The following INPP4B variants were observed in gnomAD, a reference collection of about 807,000 sequenced individuals.
INPP4B encodes inositol polyphosphate 4-phosphatase type II.
INPP4B carries 55 observed loss-of-function variants against 122.5 expected under a neutral mutation model. That is an observed-to-expected ratio of 0.45 (90% CI 0.36 to 0.56). INPP4B has a LOEUF of 0.56. Ranked by LOEUF, INPP4B falls within the 20% of genes least tolerant of loss-of-function variation. The pLI is 0.00. For synonymous variants in INPP4B, 403 were observed against 388.7 expected (o/e 1.04, Z -0.43); for missense variants, 1,000 against 1,097.7 (o/e 0.91, Z 1.26).
At chr4:142,131,351 G>A (rs968029339) in intron 18 of INPP4B, among the ~76,000 whole-genome samples, 1 of 152,192 alleles carries the variant, frequency 6.6e-6, no homozygotes, top group Non-Finnish European at 1.5e-5. Flanking sequence ...CAGAGTACAG[G>A]CAATCAGAGA....
intron 7 of INPP4B, among the ~76,000 whole-genome samples, chr4:142,399,120 C>T (rs1800730723): frequency 6.7e-6 from 1 of 149,768 alleles, no homozygotes; most frequent in South Asian, 2.1e-4. Context: ...CACCATGTTG[C>T]ATGGGATGAA....
intron 9 of INPP4B, among the ~76,000 whole-genome samples, chr4:142,297,285 G>C (rs3102436): frequency 0.76 from 116,075 of 152,158 alleles, 45,572 homozygotes; most frequent in East Asian, 0.93. Flanking sequence ...AGGTAAGCAC[G>C]CCTTCCTTGG....
intron 2 of INPP4B, among the ~76,000 whole-genome samples, chr4:142,710,468 T>C (rs1762973289): frequency 6.6e-6 from 1 of 152,144 alleles, no homozygotes; most frequent in South Asian, 2.1e-4. Flanking sequence ...AAATCATGAG[T>C]CAAAACCCTA....
intron 18 of INPP4B, among the ~76,000 whole-genome samples, chr4:142,140,507 G>C (rs1453333020): frequency 1.3e-5 from 2 of 152,128 alleles, no homozygotes; most frequent in Non-Finnish European, 2.9e-5. Context: ...ATGTAGCTCT[G>C]TTTTCTAATC....
chr4:142,046,013 G>A (rs1376022383), intron 25 of INPP4B, among the ~76,000 whole-genome samples: 2 of 151,790 alleles, frequency 1.3e-5, no homozygotes, highest in African/African-American at 4.8e-5. Context: ...TTTTGAGGGG[G>A]TGAGCAAAAG....
intron 7 of INPP4B, among the ~76,000 whole-genome samples, chr4:142,322,437 C>A (rs1341733202): frequency 6.6e-6 from 1 of 152,074 alleles, no homozygotes; most frequent in Non-Finnish European, 1.5e-5. Flanking sequence ...CCACAGGCTC[C>A]AGGTAGGTAA....
chr4:142,820,414 A>G lies in INPP4B; in HGVS notation c.-254+25795T>C, dbSNP rs535227267. Among the ~76,000 whole-genome samples, 6 of 152,144 alleles carry G rather than the reference A, an allele frequency of 3.9e-5. No homozygotes were observed. The East Asian group carries it at 7.8e-4, about 20-fold the overall frequency. ...CCCTCTTACCATGTGATCTCTGCACATGCTGATTCCCCTTCCTCTTCTGCC... is the reference window on the plus strand; with the variant it reads ...CCCTCTTACCATGTGATCTCTGCACGTGCTGATTCCCCTTCCTCTTCTGCC... On this transcript the variant is annotated intron_variant, in intron 1 of 25. Coordinates refer to ENST00000262992, the MANE Select transcript of INPP4B (RefSeq NM_001101669.3).
chr4:142,741,427 T>A (rs1305708575), intron 1 of INPP4B, among the ~76,000 whole-genome samples: 2 of 151,940 alleles, frequency 1.3e-5, no homozygotes, highest in African/African-American at 4.8e-5. Flanking sequence ...GAGTCATTCA[T>A]GAGATATCTG....
intron 1 of INPP4B, among the ~76,000 whole-genome samples, chr4:142,815,622 G>A (rs1210421175): frequency 1.3e-5 from 2 of 151,976 alleles, no homozygotes; most frequent in African/African-American, 4.8e-5. Flanking sequence ...ATGTCTTTCT[G>A]CAGGGATCTA....
intron 10 of INPP4B, among the ~76,000 whole-genome samples, chr4:142,261,678 C>T (rs555600558): frequency 6.6e-6 from 1 of 152,246 alleles, no homozygotes; most frequent in African/African-American, 2.4e-5. Context: ...CTTCCCCAGG[C>T]ACTGGCCCTC....
chr4:142,031,250 C>A (rs1439762718), intron 25 of INPP4B, among the ~76,000 whole-genome samples: 2 of 152,020 alleles, frequency 1.3e-5, no homozygotes, highest in African/African-American at 4.8e-5. Context: ...TCTCTATTAG[C>A]TCTTCTATGT....
intron 3 of INPP4B, among the ~76,000 whole-genome samples, chr4:142,443,677 G>A (rs1462065570): frequency 6.6e-6 from 1 of 152,070 alleles, no homozygotes; most frequent in Non-Finnish European, 1.5e-5. Context: ...CCCACCAGAG[G>A]GGGCATGCAA....
At chr4:142,059,143 C>T (rs1759284442) in intron 25 of INPP4B, among the ~76,000 whole-genome samples, 2 of 152,092 alleles carry the variant, frequency 1.3e-5, no homozygotes, top group African/African-American at 4.8e-5. Context: ...TATTTATTGT[C>T]AATACAACCC....
intron 7 of INPP4B, among the ~76,000 whole-genome samples, chr4:142,351,723 A>G (rs1225601428): frequency 6.6e-6 from 1 of 152,004 alleles, no homozygotes; most frequent in African/African-American, 2.4e-5. Flanking sequence ...TGGCTATTAA[A>G]GTCAGATCTT....
intron 25 of INPP4B, among the ~76,000 whole-genome samples, chr4:142,077,500 C>T (rs1293467651): frequency 6.6e-6 from 1 of 151,692 alleles, no homozygotes; most frequent in African/African-American, 2.4e-5. Context: ...AAAATCCAGT[C>T]AAATTTATTA....
intron 1 of INPP4B, chr4:142,795,346 G>A (rs895339256): frequency 6.6e-6 from 1 of 151,982 alleles, no homozygotes; most frequent in Non-Finnish European, 1.5e-5. Context: ...CCAACCGGAT[G>A]GGCACTGGAG....
intron 7 of INPP4B, among the ~76,000 whole-genome samples, chr4:142,386,156 A>G (rs1795897663): frequency 6.6e-6 from 1 of 152,034 alleles, no homozygotes; most frequent in Admixed American, 6.6e-5. Context: ...TGCCTGCCTT[A>G]TTTAACATAA....
At chr4:142,440,969 G>A (rs567139916) in intron 3 of INPP4B, among the ~76,000 whole-genome samples, 1 of 152,258 alleles carries the variant, frequency 6.6e-6, no homozygotes, top group Admixed American at 6.5e-5. Context: ...TTGTGTGTAT[G>A]GTGGTGGTTA....
chr4:142,386,039 A>C (rs1479566654), intron 7 of INPP4B, among the ~76,000 whole-genome samples: 1 of 152,096 alleles, frequency 6.6e-6, no homozygotes, highest in African/African-American at 2.4e-5. Context: ...CCTTCTCTGC[A>C]CTTTCTTCCT....
Sources: allele counts gnomAD v4.1 joint callset (sites outside exome capture counted in the v4.1 genomes callset), GRCh38; gene constraint gnomAD v4.1.1; transcripts MANE v1.5; gene names NCBI Gene and HGNC (gene_info 2026-07-23, HGNC 2026-07-21).